CORIN: variants seen among roughly 807,000 people sequenced by gnomAD.
The protein encoded by CORIN is corin, serine peptidase, also known as atrial natriuretic peptide-converting enzyme.
A neutral mutation model predicts 125.3 loss-of-function variants in CORIN; 117 were observed. That is an observed-to-expected ratio of 0.93 (90% CI 0.80 to 1.09). The LOEUF is 1.09. CORIN is among the 50% of genes least tolerant of loss of function. The pLI is 0.00. For synonymous variants in CORIN, 450 were observed against 466.4 expected, an observed-to-expected ratio of 0.96 and a Z score of 0.45; for missense variants, 1,253 against 1,306.7, an observed-to-expected ratio of 0.96 and a Z score of 0.63.
chr4:47,649,051 A>C (rs1221750544), intron 13 of CORIN, among the ~76,000 whole-genome samples: 1 of 152,208 alleles, frequency 6.6e-6, no homozygotes, highest in Non-Finnish European at 1.5e-5. Context: ...AGGCCTGATT[A>C]TCAGGGCAGC....
intron 15 of CORIN, 75 bp downstream of exon 15, chr4:47,643,071 A>C (rs754459777): frequency 1.9e-6 from 3 of 1,609,920 alleles, no homozygotes; most frequent in Non-Finnish European, 2.5e-6. Flanking sequence ...TCCAGGAAGT[A>C]ATTTAGGATC....
chr4:47,753,502 A>G (rs1478785619), intron 4 of CORIN, among the ~76,000 whole-genome samples: 2 of 152,076 alleles, frequency 1.3e-5, no homozygotes, highest in African/African-American at 4.8e-5. Context: ...CCTTATCTCA[A>G]CCGCATCAGA....
intron 12 of CORIN, among the ~76,000 whole-genome samples, chr4:47,659,057 A>T (rs1199511042): frequency 6.6e-6 from 1 of 152,220 alleles, no homozygotes; most frequent in Non-Finnish European, 1.5e-5. Flanking sequence ...CATAAACAGA[A>T]TGCAGCCAAA....
In CORIN at chr4:47,679,914, A is replaced by C. The variant is rs539649144; in HGVS notation, c.1132+227T>G. 7.2e-4 allele frequency: 285 copies of C among 397,706 alleles called. 2 individuals are homozygous for C. Among genetic ancestry groups the C allele is most frequent in the African/African-American group, 5.2e-3 (249 of 48,012 alleles). The allele number at this position is 397,706 out of a possible 1,614,324, so 24.6% of individuals were successfully genotyped here. A position where few individuals can be genotyped will look rare whatever the true frequency, so the allele number is the denominator to read the frequency against. Reference sequence around the variant, plus strand: ...GACACCCACTTGGCTAGATCAGCCAAATGAAGCTTGGAGTTTTGCAGGGAG... The same window carrying C: ...GACACCCACTTGGCTAGATCAGCCACATGAAGCTTGGAGTTTTGCAGGGAG... On this transcript the variant is annotated intron_variant, in intron 8 of 21. Coordinates refer to ENST00000273857, the MANE Select transcript of CORIN (RefSeq NM_006587.4).
At chr4:47,721,126 G>A (rs746155449) in intron 5 of CORIN, among the ~76,000 whole-genome samples, 4 of 151,996 alleles carry the variant, frequency 2.6e-5, no homozygotes, top group African/African-American at 9.7e-5. Context: ...CCCTCTTCCC[G>A]GTTTAGTCCT....
intron 2 of CORIN, among the ~76,000 whole-genome samples, chr4:47,788,224 T>C (rs1427045744): frequency 6.6e-6 from 1 of 152,198 alleles, no homozygotes; most frequent in African/African-American, 2.4e-5. Flanking sequence ...CTTTTCTAAA[T>C]AGTCCCAAGG....
At chr4:47,787,714 T>C (rs765319157) in intron 2 of CORIN, among the ~76,000 whole-genome samples, 1 of 152,250 alleles carries the variant, frequency 6.6e-6, no homozygotes, top group Non-Finnish European at 1.5e-5. Flanking sequence ...GGTGCACCCA[T>C]GCACCATGCA....
intron 12 of CORIN, among the ~76,000 whole-genome samples, chr4:47,659,091 G>A (rs917385068): frequency 6.6e-6 from 1 of 152,174 alleles, no homozygotes; most frequent in African/African-American, 2.4e-5. Context: ...CAAGATATGG[G>A]TGAACCTTTC....
At chr4:47,733,807 C>T (rs1463457575) in intron 5 of CORIN, among the ~76,000 whole-genome samples, 2 of 152,186 alleles carry the variant, frequency 1.3e-5, no homozygotes, top group African/African-American at 4.8e-5. Flanking sequence ...CTAGCATCAA[C>T]ATAAGATAGA....
chr4:47,658,081 C>T (rs1724074809), intron 12 of CORIN, among the ~76,000 whole-genome samples: 1 of 152,142 alleles, frequency 6.6e-6, no homozygotes, highest in Admixed American at 6.5e-5. Flanking sequence ...TTCCTTCTAC[C>T]TATGAGCCTG....
chr4:47,706,036 T>C (rs1022276287), intron 5 of CORIN, among the ~76,000 whole-genome samples: 1 of 152,246 alleles, frequency 6.6e-6, no homozygotes, highest in African/African-American at 2.4e-5. Context: ...ATTCTTATAA[T>C]AAACAATAAC....
At chr4:47,627,545 G>C (rs1722630432) in intron 16 of CORIN, among the ~76,000 whole-genome samples, 1 of 152,164 alleles carries the variant, frequency 6.6e-6, no homozygotes, top group African/African-American at 2.4e-5. Flanking sequence ...AATTTGAATT[G>C]ACTGTTAGAT....
chr4:47,697,937 A>G (rs1726095777), intron 5 of CORIN, among the ~76,000 whole-genome samples: 1 of 152,014 alleles, frequency 6.6e-6, no homozygotes, highest in African/African-American at 2.4e-5. Flanking sequence ...GAGATATAAC[A>G]CACGCCTTCC....
Position 47,678,065 on chromosome 4 carries a change from C to T in CORIN, c.1133-11G>A, listed in dbSNP as rs1725110067. On this transcript the variant is annotated splice_polypyrimidine_tract_variant and intron_variant, in intron 8 of 21. Transcript: ENST00000273857. ...CCTGGCTGTGACAGGCTAGGAAGGACCATAACAATATTCACTTTATTTATT... is the reference window on the plus strand; with the variant it reads ...CCTGGCTGTGACAGGCTAGGAAGGATCATAACAATATTCACTTTATTTATT... 6 of 1,558,354 alleles carry T rather than the reference C, an allele frequency of 3.9e-6. No homozygotes were observed. The Middle Eastern group carries it at 8.4e-4, about 218-fold the overall frequency.
chr4:47,819,192 G>A (rs1732398764), intron 1 of CORIN, among the ~76,000 whole-genome samples: 1 of 152,072 alleles, frequency 6.6e-6, no homozygotes, highest in African/African-American at 2.4e-5. Flanking sequence ...ACACCTTCTG[G>A]GTAGGAATTA....
chr4:47,789,280 G>C (rs995061167), intron 2 of CORIN, among the ~76,000 whole-genome samples: 16 of 151,848 alleles, frequency 1.1e-4, no homozygotes, highest in African/African-American at 3.9e-4. Flanking sequence ...CTCCAGCCAG[G>C]GCAACAAGAG....
intron 1 of CORIN, among the ~76,000 whole-genome samples, chr4:47,812,268 C>T (rs756232920): frequency 6.6e-6 from 1 of 151,978 alleles, no homozygotes; most frequent in African/African-American, 2.4e-5. Flanking sequence ...GAGGCTGAGG[C>T]AGGAGGATTA....
chr4:47,734,211 G>A (rs1387857941), intron 5 of CORIN, among the ~76,000 whole-genome samples: 1 of 152,182 alleles, frequency 6.6e-6, no homozygotes, highest in African/African-American at 2.4e-5. Context: ...TGAACTAACA[G>A]CTGTGAAAGC....
chr4:47,809,652 C>T (rs971269287), intron 1 of CORIN, among the ~76,000 whole-genome samples: 5 of 152,166 alleles, frequency 3.3e-5, no homozygotes, highest in South Asian at 2.1e-4. Flanking sequence ...GTGATCCACC[C>T]GCCTCGGCCT....
Sources: allele counts gnomAD v4.1 joint callset (sites outside exome capture counted in the v4.1 genomes callset), GRCh38; gene constraint gnomAD v4.1.1; transcripts MANE v1.5; gene names NCBI Gene and HGNC (gene_info 2026-07-23, HGNC 2026-07-21).